Variants in CNTN1 observed in about 807,000 individuals in gnomAD.
CNTN1 encodes the protein contactin-1.
Under a neutral mutation model 126.4 loss-of-function variants are expected in CNTN1, and 38 were observed. The observed-to-expected ratio is 0.30, with a 90% CI of 0.23 to 0.39. CNTN1 has a LOEUF of 0.39. CNTN1 is among the 10% of genes least tolerant of loss of function. CNTN1 has a pLI of 1.00. For missense variants in CNTN1, 1,009 were observed against 1,248.4 expected (o/e 0.81, Z 2.89); for synonymous variants, 413 against 422.6 (o/e 0.98, Z 0.28).
At chr12:40,911,182 G>T (rs538911752) in intron 3 of CNTN1, among the ~76,000 whole-genome samples, 2 of 152,176 alleles carry the variant, frequency 1.3e-5, no homozygotes, top group Non-Finnish European at 2.9e-5. Flanking sequence ...CGGGATTCAC[G>T]CCATTCTCCT....
intron 1 of CNTN1, among the ~76,000 whole-genome samples, chr12:40,776,139 T>G (rs1203236795): frequency 6.6e-6 from 1 of 151,606 alleles, no homozygotes; most frequent in East Asian, 1.9e-4. Flanking sequence ...AAATTTCTAT[T>G]CTTTTTTATT....
chr12:41,016,658 C>T (rs1042274985), intron 18 of CNTN1, 24 bp from the exon 19 acceptor site: 2 of 1,489,666 alleles, frequency 1.3e-6, no homozygotes, highest in African/African-American at 2.8e-5. Flanking sequence ...CTAAAACCTA[C>T]TCAATCTTTT....
intron 16 of CNTN1, among the ~76,000 whole-genome samples, chr12:40,984,355 A>G (rs933108019): frequency 1.3e-5 from 2 of 152,086 alleles, no homozygotes; most frequent in Non-Finnish European, 2.9e-5. Context: ...AGGCCGGGTG[A>G]TTTTGAAAGA....
intron 19 of CNTN1, 23 bp from the exon 20 acceptor site, chr12:41,020,314 A>T: frequency 2.8e-6 from 4 of 1,446,012 alleles, no homozygotes; most frequent in Non-Finnish European, 3.9e-6. Flanking sequence ...CACTAATAAT[A>T]TAATGTTCTC....
At chr12:40,974,900 A>G (rs1947628793) in intron 15 of CNTN1, among the ~76,000 whole-genome samples, 1 of 152,070 alleles carries the variant, frequency 6.6e-6, no homozygotes, top group Non-Finnish European at 1.5e-5. Flanking sequence ...TTGAATGACT[A>G]ATAATTTTAT....
At chr12:41,043,382 C>G (rs1021592631) in intron 23 of CNTN1, among the ~76,000 whole-genome samples, 10 of 151,824 alleles carry the variant, frequency 6.6e-5, no homozygotes, top group Non-Finnish European at 1.5e-4. Context: ...TTTATGCAGC[C>G]AAAAAACATG....
chr12:40,849,254 G>C (rs1207187247), intron 1 of CNTN1, among the ~76,000 whole-genome samples: 1 of 151,878 alleles, frequency 6.6e-6, no homozygotes, highest in Admixed American at 6.6e-5. Flanking sequence ...ATTTAAAAAA[G>C]GTGTAAAGAC....
At chr12:40,906,622 C>T (rs761201511) in intron 1 of CNTN1, among the ~76,000 whole-genome samples, 14 of 150,816 alleles carry the variant, frequency 9.3e-5, no homozygotes, top group Non-Finnish European at 1.8e-4. Context: ...TATATTTATA[C>T]GTTGAACACT....
At chr12:40,854,881 C>CG (rs1429952587) in intron 1 of CNTN1, among the ~76,000 whole-genome samples, 1 of 151,996 alleles carries the variant, frequency 6.6e-6, no homozygotes, top group African/African-American at 2.4e-5. Flanking sequence ...AATTTGAGAA[C>CG]GAGCCCAGAG....
At chr12:41,042,845 G>A (rs906127360) in intron 23 of CNTN1, among the ~76,000 whole-genome samples, 10 of 151,798 alleles carry the variant, frequency 6.6e-5, no homozygotes, top group East Asian at 1.9e-4. Flanking sequence ...AAATAATGCC[G>A]CATATCTACA....
rs144242908 is a variant in CNTN1 at position 40,893,204 on chromosome 12, G to C, written c.-76-15153G>C. ...TAATTATATCACTCTGCATAGTCATGTTAGGAGTTTAATTTTCAAGCTAAA... is the reference window on the plus strand; with the variant it reads ...TAATTATATCACTCTGCATAGTCATCTTAGGAGTTTAATTTTCAAGCTAAA... On this transcript the variant is annotated intron_variant, in intron 1 of 23. Coordinates refer to ENST00000551295, the MANE Select transcript of CNTN1 (RefSeq NM_001843.4). Among the ~76,000 whole-genome samples, 456 of 151,994 alleles carry C rather than the reference G, an allele frequency of 3.0e-3. 3 individuals carry two copies. Among genetic ancestry groups the C allele is most frequent in the African/African-American group, 0.01 (428 of 41,494 alleles).
At chr12:41,033,086 A>T (rs1475872569) in intron 23 of CNTN1, among the ~76,000 whole-genome samples, 1 of 152,226 alleles carries the variant, frequency 6.6e-6, no homozygotes, top group African/African-American at 2.4e-5. Context: ...TTCTTAAAAA[A>T]ATAAGACTTC....
chr12:40,750,284 G>T (rs1938355619), intron 1 of CNTN1, among the ~76,000 whole-genome samples: 1 of 152,048 alleles, frequency 6.6e-6, no homozygotes, highest in Non-Finnish European at 1.5e-5. Context: ...TATCAATGAG[G>T]CAGGAGGGGA....
At position 41,004,412 on chromosome 12, in the gene CNTN1, T is replaced by C. The variant is rs185209708; in HGVS notation, c.2114-9816T>C. ...ATGTGGCAATGAGAAGAATATATAT[T>C]CTGTTATTTTGGGGTGGAGAGTTCT... On this transcript the variant is annotated intron_variant, in intron 17 of 23. Transcript: ENST00000551295. Among the ~76,000 whole-genome samples, 3 of 152,324 alleles carry C rather than the reference T, an allele frequency of 2.0e-5. No individual in the cohort carries two copies. In the East Asian group the frequency reaches 5.8e-4, roughly 29 times the overall value.
intron 23 of CNTN1, among the ~76,000 whole-genome samples, chr12:41,058,291 A>T (rs1949868387): frequency 6.6e-6 from 1 of 152,182 alleles, no homozygotes; most frequent in South Asian, 2.1e-4. Context: ...AACACCTAAA[A>T]GTCCCTGTTT....
At chr12:40,821,491 C>G (rs551233816) in intron 1 of CNTN1, among the ~76,000 whole-genome samples, 5 of 152,232 alleles carry the variant, frequency 3.3e-5, no homozygotes, top group African/African-American at 1.2e-4. Context: ...TTCAATTATA[C>G]TTGTAACCAT....
intron 1 of CNTN1, among the ~76,000 whole-genome samples, chr12:40,876,600 T>C (rs1943678566): frequency 6.6e-6 from 1 of 152,138 alleles, no homozygotes; most frequent in South Asian, 2.1e-4. Flanking sequence ...GGAGAATATG[T>C]TTAAATAATC....
chr12:40,804,004 G>T (rs1405563270), intron 1 of CNTN1, among the ~76,000 whole-genome samples: 1 of 151,914 alleles, frequency 6.6e-6, no homozygotes, highest in Admixed American at 6.6e-5. Context: ...GTAAAGGAGT[G>T]GTTGAGTGTG....
chr12:40,733,286 T>A (rs1942543245), intron 1 of CNTN1, among the ~76,000 whole-genome samples: 1 of 151,678 alleles, frequency 6.6e-6, no homozygotes, highest in African/African-American at 2.4e-5. Context: ...TTTTTGCTTA[T>A]TTTTTTTGGT....
Sources: gnomAD v4.1 joint callset for allele counts (sites outside exome capture counted in the v4.1 genomes callset) on GRCh38, gnomAD v4.1.1 for gene constraint, MANE v1.5 for transcripts, NCBI Gene and HGNC (gene_info 2026-07-23, HGNC 2026-07-21) for gene names.